SAMTOR: variants seen among roughly 807,000 people sequenced by gnomAD.
The protein encoded by SAMTOR is S-adenosylmethionine sensor upstream of mTORC1, also known as UPF0532 protein C7orf60.
At chr7:112,856,244 CTTTT>C in the SAMTOR span, among the ~76,000 whole-genome samples, 2 of 149,214 alleles carry the variant, frequency 1.3e-5, no homozygotes, top group African/African-American at 4.9e-5. Flanking sequence ...TTTTTATTTA[CTTTT>C]TTTTTCTTTT....
At chr7:112,860,201 AG>A in the SAMTOR span, among the ~76,000 whole-genome samples, 4 of 152,216 alleles carry the variant, frequency 2.6e-5, no homozygotes, top group Non-Finnish European at 5.9e-5. Flanking sequence ...TATAGCCTAC[AG>A]GTATGTATAG....
chr7:112,898,003 G>A, the SAMTOR span, among the ~76,000 whole-genome samples: 4 of 152,168 alleles, frequency 2.6e-5, no homozygotes, highest in African/African-American at 9.7e-5. Context: ...GCTTTGCAGA[G>A]GGAGTGTGAA....
the SAMTOR span, chr7:112,821,465 A>G: frequency 4.1e-6 from 1 of 245,688 alleles, no homozygotes; most frequent in Non-Finnish European, 7.7e-6. Flanking sequence ...TGTTTTCACA[A>G]TAGCACTAAA....
the SAMTOR span, among the ~76,000 whole-genome samples, chr7:112,846,321 T>C: frequency 6.7e-6 from 1 of 149,112 alleles, no homozygotes; most frequent in African/African-American, 2.5e-5. Context: ...GATGAGGACG[T>C]ATGGATATAA....
At chr7:112,877,596 A>G in the SAMTOR span, among the ~76,000 whole-genome samples, 2 of 152,182 alleles carry the variant, frequency 1.3e-5, no homozygotes, top group Non-Finnish European at 2.9e-5. Flanking sequence ...TAAGAATGGC[A>G]TTCATATTTT....
chr7:112,892,928 G>C, the SAMTOR span, among the ~76,000 whole-genome samples: 2 of 152,082 alleles, frequency 1.3e-5, no homozygotes, highest in Non-Finnish European at 2.9e-5. Context: ...CATTATCAAT[G>C]GGCAGTAATA....
At chr7:112,832,703 A>T in the SAMTOR span, 2 of 1,341,620 alleles carry the variant, frequency 1.5e-6, no homozygotes, top group South Asian at 1.2e-5. Flanking sequence ...ATAAGAACAA[A>T]ATCAAATATG....
At chr7:112,857,252 C>T in the SAMTOR span, among the ~76,000 whole-genome samples, 2 of 150,126 alleles carry the variant, frequency 1.3e-5, no homozygotes, top group Non-Finnish European at 3.0e-5. Context: ...CCACCGCGCC[C>T]GGCTAATTTT....
At chr7:112,917,995 G>A in the SAMTOR span, among the ~76,000 whole-genome samples, 12 of 152,308 alleles carry the variant, frequency 7.9e-5, no homozygotes, top group African/African-American at 2.9e-4. Flanking sequence ...AAGTGATGGG[G>A]AGAATGGAAC....
the SAMTOR span, among the ~76,000 whole-genome samples, chr7:112,912,997 T>C: frequency 1.3e-5 from 2 of 152,124 alleles, no homozygotes; most frequent in Admixed American, 1.3e-4. Context: ...AATCCAACAA[T>C]GATGGTCTTA....
the SAMTOR span, among the ~76,000 whole-genome samples, chr7:112,829,343 C>T: frequency 6.6e-6 from 1 of 151,924 alleles, no homozygotes; most frequent in Non-Finnish European, 1.5e-5. Flanking sequence ...TTCTACTTAG[C>T]TTTTTATACA....
chr7:112,848,521 C>T, the SAMTOR span, among the ~76,000 whole-genome samples: 1,642 of 152,172 alleles, frequency 0.011, 29 homozygotes, highest in African/African-American at 0.037. Flanking sequence ...CAAAATCTTA[C>T]GGGAGTAGAA....
the SAMTOR span, among the ~76,000 whole-genome samples, chr7:112,906,338 C>T: frequency 6.6e-6 from 1 of 152,054 alleles, no homozygotes; most frequent in Non-Finnish European, 1.5e-5. Context: ...ATGGGACTAC[C>T]ATTGTATGTA....
chr7:112,917,754 G>C, the SAMTOR span, among the ~76,000 whole-genome samples: 1 of 152,158 alleles, frequency 6.6e-6, no homozygotes, highest in Admixed American at 6.5e-5. Context: ...AGTGCTTAAA[G>C]GAGCTGATGG....
chr7:112,899,899 C>T, the SAMTOR span, among the ~76,000 whole-genome samples: 2 of 151,558 alleles, frequency 1.3e-5, no homozygotes, highest in Admixed American at 1.3e-4. Flanking sequence ...AAGGACTTCA[C>T]ACCAGACCTA....
chr7:112,856,254 CTT>C, the SAMTOR span, among the ~76,000 whole-genome samples: 1,314 of 141,966 alleles, frequency 9.3e-3, 21 homozygotes, highest in African/African-American at 0.031. Context: ...CTTTTTTTTT[CTT>C]TTTTTTTTTT....
At chr7:112,888,185 C>T in the SAMTOR span, among the ~76,000 whole-genome samples, 1 of 152,010 alleles carries the variant, frequency 6.6e-6, no homozygotes, top group African/African-American at 2.4e-5. Context: ...TTATCTGACC[C>T]TTGTGCTATT....
the SAMTOR span, among the ~76,000 whole-genome samples, chr7:112,825,540 T>C: frequency 1.3e-5 from 2 of 152,358 alleles, no homozygotes; most frequent in East Asian, 3.9e-4. Flanking sequence ...ATCTTGTCTC[T>C]TGCAACCTTG....
the SAMTOR span, among the ~76,000 whole-genome samples, chr7:112,910,489 T>A: frequency 6.6e-6 from 1 of 152,204 alleles, no homozygotes; most frequent in Admixed American, 6.5e-5. Context: ...TAAAACTGTT[T>A]GTTGAAAGAC....
Sources: allele counts gnomAD v4.1 joint callset (sites outside exome capture counted in the v4.1 genomes callset), GRCh38; gene constraint gnomAD v4.1.1; transcripts MANE v1.5; gene names NCBI Gene and HGNC (gene_info 2026-07-23, HGNC 2026-07-21).